The following TOM1 variants were observed in gnomAD, a reference collection of about 807,000 sequenced individuals.
TOM1 encodes target of Myb protein 1.
Under a neutral mutation model 61.3 loss-of-function variants are expected in TOM1, and 38 were observed. The observed-to-expected ratio is 0.62, with a 90% CI of 0.48 to 0.81. The LOEUF is 0.81. TOM1 is among the 40% of genes least tolerant of loss of function. TOM1 has a pLI of 0.00. For missense variants in TOM1, 591 were observed against 659.6 expected (o/e 0.90, Z 1.14); for synonymous variants, 270 against 268.8 (o/e 1.00, Z -0.04).
At chr22:35,301,996 C>G (rs1244649731) in intron 1 of TOM1, among the ~76,000 whole-genome samples, 2 of 152,224 alleles carry the variant, frequency 1.3e-5, no homozygotes, top group African/African-American at 4.8e-5. Context: ...GCCACATACT[C>G]TTAAGGCTTT....
intron 3 of TOM1, chr22:35,322,314 A>G (rs1927865183): frequency 7.0e-6 from 3 of 430,472 alleles, no homozygotes; most frequent in Non-Finnish European, 1.3e-5. Flanking sequence ...CCTGTGGGTG[A>G]CATTGAAGCT....
At chr22:35,338,637 G>A (rs1195380307) in intron 11 of TOM1, 76 bp from the exon 12 acceptor site, 37 of 1,237,296 alleles carry the variant, frequency 3.0e-5, no homozygotes, top group Admixed American at 3.2e-5. Context: ...GTCAATCTGT[G>A]CCCCCCAGCC....
At chr22:35,300,090 T>A in intron 1 of TOM1, 110 bp downstream of exon 1, 1 of 1,229,404 alleles carries the variant, frequency 8.1e-7, no homozygotes, top group Non-Finnish European at 1.1e-6. Context: ...GCAAGGAGGC[T>A]GGCGTGTAGC....
intron 8 of TOM1, 116 bp from the exon 9 acceptor site, chr22:35,332,865 C>A: frequency 9.5e-7 from 1 of 1,050,744 alleles, no homozygotes; most frequent in Non-Finnish European, 1.5e-6. Context: ...TGTCATCACC[C>A]TGATCATAAC....
intron 10 of TOM1, 106 bp from the exon 11 acceptor site, chr22:35,334,222 G>C (rs1929085852): frequency 6.8e-7 from 1 of 1,468,108 alleles, no homozygotes; most frequent in Non-Finnish European, 9.1e-7. Context: ...ACCCACACGT[G>C]CCACTTCCCC....
At chr22:35,310,503 G>A (rs575423753) in intron 1 of TOM1, among the ~76,000 whole-genome samples, 3 of 152,248 alleles carry the variant, frequency 2.0e-5, no homozygotes, top group African/African-American at 4.8e-5. Context: ...GCAGTGAGCC[G>A]AGATCGTGCC....
chr22:35,346,857 C>T lies in TOM1; in HGVS notation c.1285-73C>T, dbSNP rs536011177. The stretch of plus-strand genomic sequence containing the variant: ...CTGAGGTTCAGCGGGGCCCGAGCTG[C>T]AGCACCACTGCCCCAGGCTGACCGT... On this transcript the variant is annotated intron_variant, in intron 13 of 14. Coordinates refer to ENST00000449058, the MANE Select transcript of TOM1 (RefSeq NM_005488.3). The T allele has an allele frequency of 1.9e-5, 27 of 1,439,630 alleles. No individual in the cohort carries two copies. In the East Asian group the frequency reaches 5.7e-4, roughly 30 times the overall value. 89.2% of individuals were successfully genotyped at this position (1,439,630 alleles called of 1,614,324 possible).
chr22:35,308,315 A>C (rs1601666129), intron 1 of TOM1, among the ~76,000 whole-genome samples: 3 of 121,000 alleles, frequency 2.5e-5, no homozygotes, highest in African/African-American at 6.5e-5. Flanking sequence ...ACGGAGTCTC[A>C]CTCTGTTTCC....
Position 35,347,504 on chromosome 22 carries a change from C to T in TOM1, c.*295C>T. On this transcript the variant is annotated 3_prime_UTR_variant, in exon 15 of 15. Coordinates refer to ENST00000449058, the MANE Select transcript of TOM1 (RefSeq NM_005488.3). ...GCCCCAGGACAGGCTGGCTGGCTGG[C>T]TGGCTGCTTGACCCAGTGTGACTCT... is the stretch of plus-strand genomic sequence containing the variant. The T allele has an allele frequency of 3.3e-6, 1 of 302,032 alleles. No individual in the cohort carries two copies. The highest frequency in any genetic ancestry group is 6.1e-6 in the Non-Finnish European group (1 of 163,548). 18.7% of individuals were successfully genotyped at this position (302,032 alleles called of 1,614,324 possible). A position where few individuals can be genotyped will look rare whatever the true frequency, so the allele number is the denominator to read the frequency against.
rs78215045 is a variant in TOM1, at chr22:35,300,288, T to C, written c.52+308T>C. 2.0e-3 allele frequency among the ~76,000 whole-genome samples: 305 copies of C among 152,346 alleles called. 2 individuals carry two copies. Among genetic ancestry groups the C allele is most frequent in the African/African-American group, 6.8e-3 (281 of 41,582 alleles). On this transcript the variant is annotated intron_variant, in intron 1 of 14. Transcript: ENST00000449058. ...CCCCAATCGAGGGAGAAAGTTTTCGTGGTTAAAGGGACTGCGTGGTTGGCA... is the reference window on the plus strand; with the variant it reads ...CCCCAATCGAGGGAGAAAGTTTTCGCGGTTAAAGGGACTGCGTGGTTGGCA...
chr22:35,317,997 C>A, intron 2 of TOM1, 36 bp downstream of exon 2: 1 of 1,553,314 alleles, frequency 6.4e-7, no homozygotes, highest in Non-Finnish European at 8.9e-7. Flanking sequence ...GGGGCAGAGA[C>A]GGCCATCCCA....
intron 12 of TOM1, among the ~76,000 whole-genome samples, chr22:35,343,566 C>G (rs1484451002): frequency 1.7e-4 from 23 of 138,610 alleles, no homozygotes; most frequent in Non-Finnish European, 3.3e-4. Context: ...CCTACACACA[C>G]CACACCTACA....
Position 35,327,378 on chromosome 22 carries a change from G to T in TOM1, c.756G>T (p.Glu252Asp). 1 of 1,612,250 alleles carries T rather than the reference G, an allele frequency of 6.2e-7. No individual in the cohort carries two copies. The change falls in exon 7 of 15, where the codon GAG becomes GAT. Residue 252 changes from glutamate (E) to aspartate (D), a missense_variant. By Grantham distance (45) the Glu-to-Asp change is conservative. Transcript: ENST00000449058. Reference sequence around the variant, plus strand: ...CCCAGGCCGAGCCCGCAGACCTGGAGCTGCTGCAGGTGAGCAGGTGGCACC... The same window carrying T: ...CCCAGGCCGAGCCCGCAGACCTGGATCTGCTGCAGGTGAGCAGGTGGCACC... ...VPTQAEPADL[E>D]LLQELNRTCR...
chr22:35,306,249 G>A (rs1926321328), intron 1 of TOM1, among the ~76,000 whole-genome samples: 1 of 152,118 alleles, frequency 6.6e-6, no homozygotes, highest in African/African-American at 2.4e-5. Context: ...GCTGACTTCT[G>A]AATCGGAGCA....
At chr22:35,335,200 C>G (rs997119377) in intron 11 of TOM1, among the ~76,000 whole-genome samples, 4 of 152,166 alleles carry the variant, frequency 2.6e-5, no homozygotes, top group East Asian at 3.9e-4. Flanking sequence ...CAGGGCTGAG[C>G]TGTGGGCAGC....
chr22:35,330,771 A>G (rs1242385052), intron 8 of TOM1, among the ~76,000 whole-genome samples: 1 of 152,218 alleles, frequency 6.6e-6, no homozygotes, highest in African/African-American at 2.4e-5. Flanking sequence ...CCCTGCAACC[A>G]GACTGGCCTG....
intron 12 of TOM1, among the ~76,000 whole-genome samples, chr22:35,343,692 C>T (rs1445860688): frequency 1.4e-5 from 2 of 146,026 alleles, no homozygotes; most frequent in Non-Finnish European, 1.5e-5. Context: ...CACACCTACA[C>T]ACTCATACAC....
At chr22:35,324,874 G>C (rs1476029552) in intron 6 of TOM1, among the ~76,000 whole-genome samples, 1 of 152,224 alleles carries the variant, frequency 6.6e-6, no homozygotes, top group African/African-American at 2.4e-5. Context: ...CTTAGTATGA[G>C]ATTCTAGGGG....
At chr22:35,306,723 T>G (rs1926360858) in intron 1 of TOM1, among the ~76,000 whole-genome samples, 1 of 144,996 alleles carries the variant, frequency 6.9e-6, no homozygotes, top group Non-Finnish European at 1.5e-5. Context: ...TGTTGTGATT[T>G]TTCACTGGTG....
Sources: allele counts gnomAD v4.1 joint callset (sites outside exome capture counted in the v4.1 genomes callset), GRCh38; gene constraint gnomAD v4.1.1; transcripts MANE v1.5; gene names NCBI Gene and HGNC (gene_info 2026-07-23, HGNC 2026-07-21).